The following ZHX2 variants were observed in gnomAD, a reference collection of about 807,000 sequenced individuals.
ZHX2 encodes the protein zinc fingers and homeoboxes protein 2.
A neutral mutation model predicts 21.9 loss-of-function variants in ZHX2; 6 were observed. The ratio of observed to expected loss-of-function variants is 0.27; its 90% CI spans 0.15 to 0.54. ZHX2 has a LOEUF of 0.54. ZHX2 is among the 20% of genes least tolerant of loss of function. The pLI, the probability that ZHX2 is intolerant of heterozygous loss-of-function variation, is 0.95. For synonymous variants in ZHX2, 434 were observed against 437.1 expected (o/e 0.99, Z 0.09); for missense variants, 908 against 1,090.7 (o/e 0.83, Z 2.36).
chr8:122,965,705 T>G (rs1176841468), intron 3 of ZHX2, among the ~76,000 whole-genome samples: 1 of 152,194 alleles, frequency 6.6e-6, no homozygotes, highest in Non-Finnish European at 1.5e-5. Flanking sequence ...GTTTCTTTGT[T>G]GGCTTTCCAT....
At chr8:122,936,689 C>T (rs926861983) in intron 2 of ZHX2, among the ~76,000 whole-genome samples, 3 of 152,192 alleles carry the variant, frequency 2.0e-5, no homozygotes, top group African/African-American at 7.2e-5. Context: ...GTCTGTTGGA[C>T]TGGGACACAG....
chr8:122,784,975 A>C (rs916302877), intron 1 of ZHX2, among the ~76,000 whole-genome samples: 2 of 152,240 alleles, frequency 1.3e-5, no homozygotes, highest in Non-Finnish European at 2.9e-5. Flanking sequence ...TCCAGACATT[A>C]TGGAGATGCT....
chr8:122,843,959 T>TCACACACACACA (rs3221811), intron 1 of ZHX2, among the ~76,000 whole-genome samples: 2,877 of 148,900 alleles, frequency 0.019, 28 homozygotes, highest in Middle Eastern at 0.041. Context: ...TTCTCACCCT[T>TCACACACACACA]CACACACACA....
At chr8:122,857,226 C>G (rs1324403851) in intron 1 of ZHX2, among the ~76,000 whole-genome samples, 2 of 152,162 alleles carry the variant, frequency 1.3e-5, no homozygotes, top group African/African-American at 4.8e-5. Flanking sequence ...TAGCCTGACT[C>G]TAAGGCCAGG....
intron 2 of ZHX2, among the ~76,000 whole-genome samples, chr8:122,946,717 T>C (rs1388967421): frequency 6.6e-6 from 1 of 152,168 alleles, no homozygotes; most frequent in African/African-American, 2.4e-5. Flanking sequence ...TTAACTCAAA[T>C]GTCCCAAGCC....
At chr8:122,972,410 T>G (rs1586436197) in intron 3 of ZHX2, among the ~76,000 whole-genome samples, 1 of 152,348 alleles carries the variant, frequency 6.6e-6, no homozygotes, top group East Asian at 1.9e-4. Flanking sequence ...ATTCTGTTTA[T>G]TAAGTGCACG....
At chr8:122,839,684 C>A (rs561591504) in intron 1 of ZHX2, among the ~76,000 whole-genome samples, 1 of 152,138 alleles carries the variant, frequency 6.6e-6, no homozygotes, top group Non-Finnish European at 1.5e-5. Context: ...GTTGTACAGT[C>A]CCCAGGATAT....
upstream of ZHX2, chr8:122,780,915 T>C (rs1462142359): frequency 6.6e-6 from 1 of 152,188 alleles, no homozygotes; most frequent in Non-Finnish European, 1.5e-5. Flanking sequence ...TGAAGATCTT[T>C]AACCAGCCTC....
At chr8:122,961,622 T>C (rs2130341771) in intron 3 of ZHX2, among the ~76,000 whole-genome samples, 1 of 152,284 alleles carries the variant, frequency 6.6e-6, no homozygotes, top group South Asian at 2.1e-4. Context: ...AGGCACCTTC[T>C]TCACAAGGTG....
Position 122,791,857 on chromosome 8 carries a change from T to G in ZHX2, c.-283+9911T>G, listed in dbSNP as rs1414137985. Among the ~76,000 whole-genome samples, 4 of 139,516 alleles carry G rather than the reference T, an allele frequency of 2.9e-5. No homozygotes were observed. The East Asian group carries it at 8.0e-4, about 28-fold the overall frequency. 91.5% of individuals were successfully genotyped at this position (139,516 alleles called of 152,430 possible). On this transcript the variant is annotated intron_variant, in intron 1 of 3. Transcript: ENST00000314393. ...TCCAGCCTGGGCAACAGAGTGAGACTCCATCTCATAAAAAAAAAAAAAAAG... is the reference window on the plus strand; with the variant it reads ...TCCAGCCTGGGCAACAGAGTGAGACGCCATCTCATAAAAAAAAAAAAAAAG...
chr8:122,913,694 T>G (rs1586384004), intron 2 of ZHX2, among the ~76,000 whole-genome samples: 4 of 152,372 alleles, frequency 2.6e-5, no homozygotes, highest in African/African-American at 2.4e-5. Context: ...GGGGCTCATT[T>G]AGAAGTTTGG....
chr8:122,961,781 GAT>G (rs1813456036), intron 3 of ZHX2, among the ~76,000 whole-genome samples: 2 of 152,196 alleles, frequency 1.3e-5, no homozygotes, highest in Non-Finnish European at 2.9e-5. Flanking sequence ...GACACATGGG[GAT>G]TATGGGGATT....
At chr8:122,797,703 C>T (rs536967611) in intron 1 of ZHX2, among the ~76,000 whole-genome samples, 6 of 152,254 alleles carry the variant, frequency 3.9e-5, no homozygotes, top group Admixed American at 6.5e-5. Context: ...GGACTCTGAA[C>T]GGCCACCCAG....
chr8:122,909,391 C>A (rs1338556228), intron 2 of ZHX2, among the ~76,000 whole-genome samples: 4 of 151,646 alleles, frequency 2.6e-5, no homozygotes, highest in African/African-American at 9.7e-5. Flanking sequence ...AAAGATCGTG[C>A]CACTGCACTC....
At chr8:122,919,442 C>G (rs1316926561) in intron 2 of ZHX2, among the ~76,000 whole-genome samples, 3 of 152,198 alleles carry the variant, frequency 2.0e-5, no homozygotes, top group Non-Finnish European at 4.4e-5. Context: ...GTATTTATTG[C>G]GTACTCACTA....
At chr8:122,926,814 G>C (rs1820866092) in intron 2 of ZHX2, among the ~76,000 whole-genome samples, 1 of 151,988 alleles carries the variant, frequency 6.6e-6, no homozygotes, top group Admixed American at 6.5e-5. Context: ...TCTTCTCTCT[G>C]ACTCCGCTTC....
intron 1 of ZHX2, chr8:122,816,278 T>A (rs1250526219): frequency 6.6e-6 from 1 of 152,142 alleles, no homozygotes; most frequent in Non-Finnish European, 1.5e-5. Flanking sequence ...TGTACTGCTG[T>A]TGCTTATTAG....
Position 122,781,850 on chromosome 8 carries a change from AGTGGGTGGGGG to A in ZHX2, c.-377_-367del, listed in dbSNP as rs1018974803. On this transcript the variant is annotated 5_prime_UTR_variant, in exon 1 of 4. Transcript: ENST00000314393. The surrounding 1 kb of genome is among the most constrained non-coding windows in gnomAD (Gnocchi z 4.6). ...GCCGGGCGCCCGGTGGGGAGTGGGG[AGTGGGTGGGGG>A]GAGCCAGCAGAGTTCCATTTTGGAA... The A allele has an allele frequency of 8.0e-5, 12 of 149,988 alleles. No homozygotes were observed. The highest frequency in any genetic ancestry group is 7.3e-4 in the Admixed American group (11 of 15,078). The allele number at this position is 149,988 out of a possible 1,614,324, so 9.3% of individuals were successfully genotyped here. A position where few individuals can be genotyped will look rare whatever the true frequency, so the allele number is the denominator to read the frequency against.
At chr8:122,840,159 T>C (rs973583285) in intron 1 of ZHX2, among the ~76,000 whole-genome samples, 6 of 152,196 alleles carry the variant, frequency 3.9e-5, no homozygotes, top group African/African-American at 1.4e-4. Flanking sequence ...CTAGGAATAA[T>C]TTAGTAGATT....
Sources: allele counts gnomAD v4.1 joint callset (sites outside exome capture counted in the v4.1 genomes callset), GRCh38; gene constraint gnomAD v4.1.1; non-coding constraint Gnocchi (gnomAD v3.1); transcripts MANE v1.5; gene names NCBI Gene and HGNC (gene_info 2026-07-23, HGNC 2026-07-21).